Variants in ZFAND4 observed in about 807,000 individuals in gnomAD.
ZFAND4 encodes the protein AN1-type zinc finger protein 4.
A neutral mutation model predicts 64.4 loss-of-function variants in ZFAND4; 43 were observed. The ratio of observed to expected loss-of-function variants is 0.67; its 90% CI spans 0.52 to 0.86. The LOEUF (loss-of-function observed/expected upper bound fraction) is 0.86. Among genes scored for constraint, ZFAND4 ranks in the 40% least tolerant of loss-of-function variants. The pLI is 0.00. For missense variants in ZFAND4, 929 were observed against 859.8 expected (o/e 1.08, Z -1.01); for synonymous variants, 296 against 305.7 (o/e 0.97, Z 0.33).
intron 5 of ZFAND4, among the ~76,000 whole-genome samples, chr10:45,642,294 A>G (rs1309048979): frequency 6.6e-6 from 1 of 151,278 alleles, no homozygotes; most frequent in Non-Finnish European, 1.5e-5. Context: ...ACACATACAT[A>G]CACACATATA....
intron 6 of ZFAND4, among the ~76,000 whole-genome samples, chr10:45,632,099 A>G (rs2046262635): frequency 6.6e-6 from 1 of 152,184 alleles, no homozygotes; most frequent in South Asian, 2.1e-4. Flanking sequence ...TCATGCCTGT[A>G]ATCCCAGCAC....
rs1006224025 is a variant in ZFAND4 at position 45,624,601 on chromosome 10, C to T, written c.1909G>A (p.Ala637Thr). The change falls in exon 8 of 10, where the codon GCA becomes ACA. Residue 637 changes from alanine to threonine, a missense_variant. Physicochemically the swap from Ala to Thr is moderately conservative, Grantham distance 58. Transcript: ENST00000344646. The stretch of plus-strand genomic sequence containing the variant: ...AGCTTACCTACGCTTTTCCCTGCTG[C>T]TGCATTATTTCCATTCATTCCAACA... ...HGVGMNGNNA[A>T]AGKSVGECTT... The T allele has an allele frequency of 6.2e-7, 1 of 1,613,870 alleles. No individual in the cohort carries two copies.
At chr10:45,653,916 C>A (rs751111092) in intron 2 of ZFAND4, among the ~76,000 whole-genome samples, 1 of 152,188 alleles carries the variant, frequency 6.6e-6, no homozygotes, top group Admixed American at 6.5e-5. Context: ...TGAAATCAAT[C>A]AAGATGCCCC....
In ZFAND4 at chr10:45,615,962, T is replaced by TA. The variant is rs2044915357; in HGVS notation, c.*473dup. The TA allele has an allele frequency of 6.6e-6, 1 of 151,848 alleles. No homozygotes were observed. The highest frequency in any genetic ancestry group is 2.4e-5 in the African/African-American group (1 of 41,228). 9.4% of individuals were successfully genotyped at this position (151,848 alleles called of 1,614,324 possible). A position where few individuals can be genotyped will look rare whatever the true frequency, so the allele number is the denominator to read the frequency against. On this transcript the variant is annotated 3_prime_UTR_variant, in exon 10 of 10. Coordinates refer to ENST00000344646, the MANE Select transcript of ZFAND4 (RefSeq NM_174890.4). ...AGTAAACTTTCACACGTGGGATTTT[T>TA]AAAAAATCTCCACCCATCCCACCTC...
At chr10:45,660,092 G>C (rs924545112) in intron 2 of ZFAND4, among the ~76,000 whole-genome samples, 26 of 150,214 alleles carry the variant, frequency 1.7e-4, no homozygotes. Flanking sequence ...AACCCAGGAG[G>C]CAGAGCTTGC....
intron 2 of ZFAND4, among the ~76,000 whole-genome samples, chr10:45,658,847 CTGAT>C (rs1348124357): frequency 2.0e-5 from 3 of 152,148 alleles, no homozygotes; most frequent in Non-Finnish European, 2.9e-5. Context: ...AGTTTCAGCT[CTGAT>C]ATATGGAGAA....
At chr10:45,635,225 C>CAAAAA (rs1486980850) in intron 6 of ZFAND4, among the ~76,000 whole-genome samples, 5 of 70,634 alleles carry the variant, frequency 7.1e-5, no homozygotes, top group African/African-American at 2.7e-4. Context: ...AAAAAAAAAA[C>CAAAAA]AAACAAAAAA....
In ZFAND4 at chr10:45,663,578, C is replaced by A. The variant is rs781704435; in HGVS notation, c.148G>T (p.Val50Phe). 7.1e-5 allele frequency: 114 copies of A among 1,602,920 alleles called. No individual in the cohort carries two copies. The highest frequency in any genetic ancestry group is 9.1e-5 in the Non-Finnish European group (107 of 1,177,104). ...CGAATTTTTGCTTTCACAGAAATAA[C>A]AGTTTCAAAAGGTGAAACTCTCAGC... Reference protein sequence around the residue: ...FELRVSPFETVISVKAKIRRL... With the variant: ...FELRVSPFETFISVKAKIRRL... Residue 50 changes from valine to phenylalanine, a missense_variant, in exon 2 of 10, where the codon GTT becomes TTT. Transcript: ENST00000344646.
At position 45,616,350 on chromosome 10, in the gene ZFAND4, G is replaced by A. The variant is rs1304546260; in HGVS notation, c.*86C>T. 6 of 1,523,658 alleles carry A rather than the reference G, an allele frequency of 3.9e-6. No individual in the cohort carries two copies. In the South Asian group the frequency reaches 5.1e-5, roughly 13 times the overall value. The allele number at this position is 1,523,658 out of a possible 1,614,324, so 94.4% of individuals were successfully genotyped here. On this transcript the variant is annotated 3_prime_UTR_variant, in exon 10 of 10. Coordinates refer to ENST00000344646, the MANE Select transcript of ZFAND4 (RefSeq NM_174890.4). ...TTTGTTATTTGGCAAATCTTTTAGA[G>A]TCGAACAAAAATAATAGTCTAAACA...
At chr10:45,655,995 G>C (rs1003551015) in intron 2 of ZFAND4, among the ~76,000 whole-genome samples, 5 of 152,206 alleles carry the variant, frequency 3.3e-5, no homozygotes, top group African/African-American at 9.7e-5. Context: ...ACTTTGGGAG[G>C]CCGAGGTGGG....
intron 7 of ZFAND4, among the ~76,000 whole-genome samples, 186 bp downstream of exon 7, chr10:45,625,765 G>C (rs1256859399): frequency 6.6e-6 from 1 of 151,844 alleles, no homozygotes; most frequent in African/African-American, 2.4e-5. Context: ...TCTCATTTCA[G>C]GACTAAAACA....
At chr10:45,661,838 G>A (rs966819824) in intron 2 of ZFAND4, among the ~76,000 whole-genome samples, 1 of 152,040 alleles carries the variant, frequency 6.6e-6, no homozygotes, top group Non-Finnish European at 1.5e-5. Flanking sequence ...TACTCGGGAG[G>A]CTGAGGCAGG....
intron 5 of ZFAND4, among the ~76,000 whole-genome samples, chr10:45,640,768 G>C (rs551149338): frequency 6.6e-6 from 1 of 152,316 alleles, no homozygotes; most frequent in African/African-American, 2.4e-5. Context: ...GGGATTGTAG[G>C]TGTGAGCCAC....
Position 45,669,802 on chromosome 10 carries a change from C to A in ZFAND4, c.-118+2448G>T, listed in dbSNP as rs532034034. On this transcript the variant is annotated intron_variant, in intron 1 of 9. Coordinates refer to ENST00000344646, the MANE Select transcript of ZFAND4 (RefSeq NM_174890.4). ...AACCACATGATTATCTTAATAGATG[C>A]AGAAAAGGCCTTTGACAAAATCCAA... 3.9e-5 allele frequency among the ~76,000 whole-genome samples: 6 copies of A among 152,256 alleles called. No individual in the cohort carries two copies. In the East Asian group the frequency reaches 9.6e-4, roughly 24 times the overall value.
chr10:45,624,453 AT>A, intron 8 of ZFAND4, 129 bp downstream of exon 8: 2 of 718,022 alleles, frequency 2.8e-6, no homozygotes, highest in East Asian at 2.8e-5. Context: ...TGGAAAAAGC[AT>A]TTAGAGACAG....
At chr10:45,671,290 G>T (rs534342743) in intron 1 of ZFAND4, among the ~76,000 whole-genome samples, 3 of 152,320 alleles carry the variant, frequency 2.0e-5, no homozygotes, top group Admixed American at 2.0e-4. Context: ...CAAGGATCTA[G>T]AACTAGAAAT....
intron 1 of ZFAND4, among the ~76,000 whole-genome samples, chr10:45,664,548 T>C (rs1301806708): frequency 6.8e-6 from 1 of 147,264 alleles, no homozygotes; most frequent in Non-Finnish European, 1.5e-5. Context: ...ATTACAGGCG[T>C]GAGCCACCAT....
intron 2 of ZFAND4, among the ~76,000 whole-genome samples, chr10:45,660,777 T>C (rs553586004): frequency 2.5e-4 from 38 of 152,010 alleles, no homozygotes; most frequent in Non-Finnish European, 5.4e-4. Context: ...TATTTAGTGT[T>C]GAAAGAAAAA....
At chr10:45,653,088 T>C (rs771718267) in intron 2 of ZFAND4, 29 bp from the exon 3 acceptor site, 11 of 1,528,760 alleles carry the variant, frequency 7.2e-6, no homozygotes, top group Admixed American at 6.9e-5. Flanking sequence ...AAAAAAAGTG[T>C]TAAAGAATTC....
Sources: gnomAD v4.1 joint callset for allele counts (sites outside exome capture counted in the v4.1 genomes callset) on GRCh38, gnomAD v4.1.1 for gene constraint, MANE v1.5 for transcripts, NCBI Gene and HGNC (gene_info 2026-07-23, HGNC 2026-07-21) for gene names.